Variants in RNMT observed in about 807,000 individuals in gnomAD.
RNMT encodes RNA guanine-7 methyltransferase, also known as mRNA cap guanine-N(7) methyltransferase.
RNMT carries 27 observed loss-of-function variants against 56.0 expected under a neutral mutation model. The observed-to-expected ratio is 0.48, with a 90% CI of 0.36 to 0.67. The LOEUF (loss-of-function observed/expected upper bound fraction) is 0.67. Ranked by LOEUF, RNMT falls within the 30% of genes least tolerant of loss-of-function variation. The pLI is 0.00. For synonymous variants in RNMT, 184 were observed against 176.2 expected (o/e 1.04, Z -0.35); for missense variants, 519 against 552.1 (o/e 0.94, Z 0.60).
chr18:13,739,383 G>A (rs1036207763), intron 5 of RNMT, among the ~76,000 whole-genome samples: 4 of 152,212 alleles, frequency 2.6e-5, no homozygotes, highest in African/African-American at 7.2e-5. Context: ...ATATTGTATA[G>A]TGGTGAAGAA....
chr18:13,728,361 A>G (rs1271987299), intron 1 of RNMT, among the ~76,000 whole-genome samples: 1 of 116,488 alleles, frequency 8.6e-6, no homozygotes, highest in Non-Finnish European at 1.6e-5. Flanking sequence ...TGTGTGACGG[A>G]GCCTTGCTCT....
In RNMT at chr18:13,740,223, C is replaced by G. The variant is rs375847538; in HGVS notation, c.736C>G (p.Arg246Gly). ...CQQRYEDMKNRRDSEYIFSAE... is the reference protein window; with the variant it reads ...CQQRYEDMKNGRDSEYIFSAE... ...GCAGCGGTATGAGGACATGAAAAAT[C>G]GTCGTGATAGTGAATATATTTTCAG... Residue 246 changes from arginine (R) to glycine (G), a missense_variant, in exon 6 of 12, where the codon CGT becomes GGT. Physicochemically the swap from Arg to Gly is moderately radical, Grantham distance 125 (BLOSUM62 -2). Transcript: ENST00000383314. 7.4e-6 allele frequency: 12 copies of G among 1,612,746 alleles called. No homozygotes were observed. The highest frequency in any genetic ancestry group is 1.0e-5 in the Non-Finnish European group (12 of 1,178,858).
intron 8 of RNMT, 105 bp downstream of exon 8, chr18:13,742,757 G>A: frequency 3.2e-5 from 25 of 791,554 alleles, no homozygotes; most frequent in East Asian, 8.9e-5. Flanking sequence ...GAGGGCTAAA[G>A]AAAAAGTATA....
chr18:13,759,676 T>G (rs1321269436), intron 11 of RNMT, among the ~76,000 whole-genome samples: 1 of 152,198 alleles, frequency 6.6e-6, no homozygotes, highest in African/African-American at 2.4e-5. Context: ...AAACTGATTT[T>G]TAGAGCTGTT....
Position 13,760,429 on chromosome 18 carries a change from G to A in RNMT, c.*450G>A, listed in dbSNP as rs1598432330. On this transcript the variant is annotated 3_prime_UTR_variant, in exon 12 of 12. Transcript: ENST00000383314. Reference sequence around the variant, plus strand: ...AGCATTTTTCAACATTTAATGGTCTGTACAGTTGAATGTAAGTGTTCAATA... The same window carrying A: ...AGCATTTTTCAACATTTAATGGTCTATACAGTTGAATGTAAGTGTTCAATA... 3.0e-6 allele frequency: 3 copies of A among 985,456 alleles called. 1 individual carries two copies. The highest frequency in any genetic ancestry group is 9.4e-5 in the South Asian group (2 of 21,292). The allele number at this position is 985,456 out of a possible 1,614,324, so 61.0% of individuals were successfully genotyped here. A position where few individuals can be genotyped will look rare whatever the true frequency, so the allele number is the denominator to read the frequency against.
chr18:13,743,887 G>A (rs916322870), intron 8 of RNMT, among the ~76,000 whole-genome samples: 3 of 151,558 alleles, frequency 2.0e-5, no homozygotes, highest in African/African-American at 7.3e-5. Flanking sequence ...TGAACATGAG[G>A]AAAATACTGT....
At chr18:13,744,001 C>T (rs1201829036) in intron 8 of RNMT, among the ~76,000 whole-genome samples, 4 of 151,760 alleles carry the variant, frequency 2.6e-5, no homozygotes, top group African/African-American at 9.7e-5. Context: ...TACTGCTCTT[C>T]AACTTTATTT....
intron 11 of RNMT, among the ~76,000 whole-genome samples, chr18:13,757,963 T>C (rs1450593331): frequency 5.9e-5 from 9 of 152,218 alleles, no homozygotes; most frequent in African/African-American, 2.2e-4. Context: ...ATAACATTGA[T>C]CTCCTTGTAC....
chr18:13,747,513 C>T (rs951855390), intron 9 of RNMT, among the ~76,000 whole-genome samples: 2 of 152,192 alleles, frequency 1.3e-5, no homozygotes, highest in South Asian at 2.1e-4. Context: ...AGCCACTGCA[C>T]CTGGCCAGTT....
intron 5 of RNMT, among the ~76,000 whole-genome samples, chr18:13,737,541 TC>T (rs907964595): frequency 7.3e-5 from 11 of 150,436 alleles, no homozygotes; most frequent in Non-Finnish European, 1.5e-4. Flanking sequence ...AGACTCCGTC[TC>T]GAAAAAAAAA....
intron 3 of RNMT, 26 bp from the exon 4 acceptor site, chr18:13,734,438 T>G (rs542254347): frequency 3.2e-6 from 5 of 1,585,614 alleles, no homozygotes; most frequent in African/African-American, 1.4e-5. Flanking sequence ...GATCCTTGAT[T>G]TTTTTCTATT....
At chr18:13,746,769 C>T (rs1458774497) in intron 9 of RNMT, among the ~76,000 whole-genome samples, 2 of 152,302 alleles carry the variant, frequency 1.3e-5, no homozygotes, top group African/African-American at 4.8e-5. Context: ...ACAAAATTGC[C>T]CCAAGTTGAG....
Position 13,761,865 on chromosome 18 carries a change from G to T in RNMT, c.*1886G>T, listed in dbSNP as rs1283972642. ...TACACCCCCCTCCCCCCGGCCCCAA[G>T]CCCCTGTGTCTCCTTGTTACAATTA... On this transcript the variant is annotated 3_prime_UTR_variant, in exon 12 of 12. Coordinates refer to ENST00000383314, the MANE Select transcript of RNMT (RefSeq NM_003799.3). 1.6e-5 allele frequency: 10 copies of T among 629,130 alleles called. No individual in the cohort carries two copies. Among genetic ancestry groups the T allele is most frequent in the South Asian group, 1.2e-4 (2 of 16,568 alleles). The allele number at this position is 629,130 out of a possible 1,614,324, so 39.0% of individuals were successfully genotyped here. A position where few individuals can be genotyped will look rare whatever the true frequency, so the allele number is the denominator to read the frequency against.
chr18:13,755,913 A>G (rs910030454), intron 11 of RNMT, among the ~76,000 whole-genome samples: 6 of 152,322 alleles, frequency 3.9e-5, no homozygotes, highest in Admixed American at 2.6e-4. Flanking sequence ...GAAAAATTAG[A>G]TGGCCCCAGA....
rs1460356358 is a variant in RNMT at position 13,737,037 on chromosome 18, A to T, written c.581A>T (p.Lys194Met). The change falls in exon 5 of 12, where the codon AAG becomes ATG. Residue 194 changes from lysine (K) to methionine (M), a missense_variant. By Grantham distance (95) the Lys-to-Met change is moderately conservative (BLOSUM62 -1). Coordinates refer to ENST00000383314, the MANE Select transcript of RNMT (RefSeq NM_003799.3). ...GAATTTTTGGAAAAGGTACGACAGA[A>T]GAAAAAACGTGATATCACTGTTTTG... ...IGEFLEKVRQ[K>M]KKRDITVLDL... The T allele has an allele frequency of 8.1e-6, 13 of 1,613,664 alleles. No homozygotes were observed. In the South Asian group the frequency reaches 1.3e-4, roughly 16 times the overall value.
Position 13,731,853 on chromosome 18 carries a change from T to G in RNMT, c.336T>G (p.Val112=), listed in dbSNP as rs1361114830. 6.2e-7 allele frequency: 1 copy of G among 1,612,876 alleles called. No individual in the cohort carries two copies. The highest frequency in any genetic ancestry group is 1.7e-5 in the Admixed American group (1 of 59,806). The change falls in exon 3 of 12, where the codon GTT becomes GTG. Residue 112 remains valine, a synonymous_variant. Coordinates refer to ENST00000383314, the MANE Select transcript of RNMT (RefSeq NM_003799.3). ...AAAGAAAAAGAGAAACTGAGGATGT[T>G]CCAAAAGATAAATCTTCTACTGGAG... ...SKKRKRETED[V]PKDKSSTGDG...
At chr18:13,727,306 C>T (rs2043975897) in intron 1 of RNMT, among the ~76,000 whole-genome samples, 1 of 152,226 alleles carries the variant, frequency 6.6e-6, no homozygotes, top group African/African-American at 2.4e-5. Context: ...GACTGGAAAG[C>T]CGGGTCGAAA....
At chr18:13,745,249 A>G (rs2044332579) in intron 8 of RNMT, among the ~76,000 whole-genome samples, 1 of 152,208 alleles carries the variant, frequency 6.6e-6, no homozygotes, top group Non-Finnish European at 1.5e-5. Context: ...GACATGACTC[A>G]GGTCCGCATT....
At chr18:13,745,200 A>G (rs1267560519) in intron 8 of RNMT, among the ~76,000 whole-genome samples, 1 of 152,206 alleles carries the variant, frequency 6.6e-6, no homozygotes, top group Non-Finnish European at 1.5e-5. Flanking sequence ...CTGTATCCTA[A>G]GTGCACTGGA....
Sources: allele counts gnomAD v4.1 joint callset (sites outside exome capture counted in the v4.1 genomes callset), GRCh38; gene constraint gnomAD v4.1.1; transcripts MANE v1.5; gene names NCBI Gene and HGNC (gene_info 2026-07-23, HGNC 2026-07-21).